The following CAMTA1 variants were observed in gnomAD, a reference collection of about 807,000 sequenced individuals.
CAMTA1 encodes calmodulin binding transcription activator 1.
Under a neutral mutation model 170.9 loss-of-function variants are expected in CAMTA1, and 27 were observed. That is an observed-to-expected ratio of 0.16 (90% CI 0.12 to 0.22). CAMTA1 has a LOEUF of 0.22. CAMTA1 is among the 10% of genes least tolerant of loss of function. The pLI, the probability that CAMTA1 is intolerant of heterozygous loss-of-function variation, is 1.00. For missense variants in CAMTA1, 1,619 were observed against 2,217.2 expected, an observed-to-expected ratio of 0.73 and a Z score of 5.42; for synonymous variants, 833 against 891.5, an observed-to-expected ratio of 0.93 and a Z score of 1.17.
chr1:6,877,520 A>G (rs1190390226), intron 3 of CAMTA1, among the ~76,000 whole-genome samples: 1 of 152,194 alleles, frequency 6.6e-6, no homozygotes, highest in Non-Finnish European at 1.5e-5. Flanking sequence ...AAATAACAGA[A>G]AACGTCTCCC....
chr1:6,979,370 G>T (rs909919502), intron 3 of CAMTA1, among the ~76,000 whole-genome samples: 4 of 152,190 alleles, frequency 2.6e-5, no homozygotes, highest in Non-Finnish European at 5.9e-5. Context: ...ATTCAATTCT[G>T]CATCAAGGTG....
Position 7,426,507 on chromosome 1 carries a change from G to T in CAMTA1, c.439-41323G>T, listed in dbSNP as rs997087584. 2.6e-5 allele frequency among the ~76,000 whole-genome samples: 4 copies of T among 152,190 alleles called. No homozygotes were observed. Among genetic ancestry groups the T allele is most frequent in the Non-Finnish European group, 5.9e-5 (4 of 68,042 alleles). Reference sequence around the variant, plus strand: ...ATACTACTTGTTAGATCAAGCGGAGGGCCCTGGCCAGGGCTGAGCAAGGCC... The same window carrying T: ...ATACTACTTGTTAGATCAAGCGGAGTGCCCTGGCCAGGGCTGAGCAAGGCC... On this transcript the variant is annotated intron_variant, in intron 5 of 22. Coordinates refer to ENST00000303635, the MANE Select transcript of CAMTA1 (RefSeq NM_015215.4). This position sits in a 1 kb window ranked among gnomAD's most constrained non-coding sequence, Gnocchi z 4.8.
At chr1:7,715,924 T>TG (rs908627495) in intron 11 of CAMTA1, among the ~76,000 whole-genome samples, 4 of 152,240 alleles carry the variant, frequency 2.6e-5, no homozygotes, top group African/African-American at 4.8e-5. Flanking sequence ...GTACTTCCCT[T>TG]GGGGAAATAG....
intron 11 of CAMTA1, among the ~76,000 whole-genome samples, chr1:7,689,576 C>G (rs1333766787): frequency 6.9e-6 from 1 of 144,338 alleles, no homozygotes; most frequent in African/African-American, 2.6e-5. Context: ...GAGACCATCT[C>G]AAAAAAAAAA....
At chr1:7,089,695 C>T (rs561741521) in intron 3 of CAMTA1, among the ~76,000 whole-genome samples, 1 of 152,254 alleles carries the variant, frequency 6.6e-6, no homozygotes, top group African/African-American at 2.4e-5. Flanking sequence ...TTATCCTTCT[C>T]ATGCTACAGT....
chr1:7,668,438 A>AC (rs2096023230), intron 9 of CAMTA1, among the ~76,000 whole-genome samples: 5 of 131,392 alleles, frequency 3.8e-5, no homozygotes, highest in Non-Finnish European at 6.6e-5. Context: ...CACACCCACC[A>AC]CACACCCCAG....
At chr1:7,255,023 C>A (rs930526384) in intron 5 of CAMTA1, among the ~76,000 whole-genome samples, 4 of 152,194 alleles carry the variant, frequency 2.6e-5, no homozygotes, top group Non-Finnish European at 5.9e-5. Flanking sequence ...AGTAAAAAAT[C>A]ATGTGTCTCA....
chr1:6,916,867 C>G lies in CAMTA1; in HGVS notation c.234+91657C>G, dbSNP rs535381885. 6.6e-5 allele frequency among the ~76,000 whole-genome samples: 10 copies of G among 152,308 alleles called. No individual in the cohort carries two copies. The South Asian group carries it at 2.1e-3, about 32-fold the overall frequency. On this transcript the variant is annotated intron_variant, in intron 3 of 22. Coordinates refer to ENST00000303635, the MANE Select transcript of CAMTA1 (RefSeq NM_015215.4). ...TGAGCTGTACAGGTGATGAACAAGA[C>G]CAATGTGGACCTGAGCTTGCCGTGA...
chr1:7,600,531 C>A (rs969270432), intron 6 of CAMTA1, among the ~76,000 whole-genome samples: 2 of 149,440 alleles, frequency 1.3e-5, no homozygotes, highest in South Asian at 2.1e-4. Context: ...GTGTTTCTCG[C>A]AGAGGGGGAT....
chr1:7,410,991 G>C (rs1319758915), intron 5 of CAMTA1, among the ~76,000 whole-genome samples: 1 of 151,978 alleles, frequency 6.6e-6, no homozygotes, highest in Non-Finnish European at 1.5e-5. Flanking sequence ...ATGTGTTTGT[G>C]TATGTGTGTG....
At chr1:6,902,399 C>T (rs1258572203) in intron 3 of CAMTA1, among the ~76,000 whole-genome samples, 2 of 152,160 alleles carry the variant, frequency 1.3e-5, no homozygotes, top group Admixed American at 6.5e-5. Flanking sequence ...AACAAAGTGA[C>T]ACAACATGGA....
intron 5 of CAMTA1, among the ~76,000 whole-genome samples, chr1:7,376,591 G>T (rs59878179): frequency 0.021 from 3,252 of 152,260 alleles, 82 homozygotes; most frequent in African/African-American, 0.061. Context: ...GGGCTTCATT[G>T]TCCTCCCTCT....
At chr1:6,912,315 G>A (rs1257750751) in intron 3 of CAMTA1, among the ~76,000 whole-genome samples, 1 of 152,158 alleles carries the variant, frequency 6.6e-6, no homozygotes, top group Non-Finnish European at 1.5e-5. Context: ...AGGCCAGCGG[G>A]GTAAGCAGCA....
intron 3 of CAMTA1, among the ~76,000 whole-genome samples, chr1:6,975,995 C>T: frequency 6.6e-6 from 1 of 152,222 alleles, no homozygotes; most frequent in East Asian, 1.9e-4. Flanking sequence ...TTCCTTTCCG[C>T]TGCTGAGTGA....
chr1:7,187,222 C>G (rs1384546135), intron 4 of CAMTA1, among the ~76,000 whole-genome samples: 1 of 152,098 alleles, frequency 6.6e-6, no homozygotes, highest in Non-Finnish European at 1.5e-5. Flanking sequence ...CAGTCCCAGA[C>G]TCAAGAATCC....
intron 1 of CAMTA1, among the ~76,000 whole-genome samples, chr1:6,795,830 C>T (rs1642353371): frequency 6.6e-6 from 1 of 152,150 alleles, no homozygotes; most frequent in Non-Finnish European, 1.5e-5. Context: ...TATTCCTGAG[C>T]TGACTTCTGG....
At chr1:6,878,059 G>A (rs1403111281) in intron 3 of CAMTA1, among the ~76,000 whole-genome samples, 1 of 152,200 alleles carries the variant, frequency 6.6e-6, no homozygotes, top group East Asian at 1.9e-4. Flanking sequence ...TGTAATTAAA[G>A]TTTTAATTAA....
intron 3 of CAMTA1, among the ~76,000 whole-genome samples, chr1:6,974,759 T>C (rs1265158742): frequency 1.3e-5 from 2 of 152,264 alleles, no homozygotes; most frequent in Non-Finnish European, 2.9e-5. Context: ...AAAGACGCAT[T>C]GCATTTTGCA....
chr1:7,379,078 T>A (rs1421256899), intron 5 of CAMTA1, among the ~76,000 whole-genome samples: 1 of 152,244 alleles, frequency 6.6e-6, no homozygotes, highest in Admixed American at 6.5e-5. Context: ...CCACCATGCA[T>A]GACAGAGTCT....
Sources: allele counts gnomAD v4.1 joint callset (sites outside exome capture counted in the v4.1 genomes callset), GRCh38; gene constraint gnomAD v4.1.1; non-coding constraint Gnocchi (gnomAD v3.1); transcripts MANE v1.5; gene names NCBI Gene and HGNC (gene_info 2026-07-23, HGNC 2026-07-21).